The following KIAA1217 variants were observed in gnomAD, a reference collection of about 807,000 sequenced individuals.
The protein encoded by KIAA1217 is sickle tail protein homolog.
Under a neutral mutation model 163.9 loss-of-function variants are expected in KIAA1217, and 88 were observed. That is an observed-to-expected ratio of 0.54 (90% CI 0.45 to 0.64). The LOEUF (loss-of-function observed/expected upper bound fraction) is 0.64, where lower values mean the gene tolerates loss of function less well. KIAA1217 is among the 30% of genes least tolerant of loss of function. The pLI is 0.00. For synonymous variants in KIAA1217, 903 were observed against 923.1 expected (o/e 0.98, Z 0.39); for missense variants, 2,372 against 2,475.0 (o/e 0.96, Z 0.88).
intron 1 of KIAA1217, among the ~76,000 whole-genome samples, chr10:23,987,898 G>A (rs1248447690): frequency 6.6e-6 from 1 of 152,042 alleles, no homozygotes; most frequent in Non-Finnish European, 1.5e-5. Flanking sequence ...AAGGTGGTTT[G>A]CAAACTTTTA....
intron 3 of KIAA1217, among the ~76,000 whole-genome samples, chr10:24,401,627 C>T (rs1421543389): frequency 1.3e-5 from 2 of 152,120 alleles, no homozygotes; most frequent in Admixed American, 1.3e-4. Flanking sequence ...CTACCAGAAA[C>T]CTACAGCCAA....
intron 2 of KIAA1217, among the ~76,000 whole-genome samples, chr10:24,114,907 A>C (rs11013903): frequency 0.051 from 7,702 of 152,182 alleles, 566 homozygotes; most frequent in African/African-American, 0.16. Context: ...TTTGGAGCAT[A>C]ACAAGTTCCA....
intron 2 of KIAA1217, among the ~76,000 whole-genome samples, chr10:24,145,315 G>A (rs768275583): frequency 2.6e-5 from 4 of 152,188 alleles, no homozygotes; most frequent in Admixed American, 1.3e-4. Context: ...CTCTGACTTG[G>A]AGGCTTTGCT....
At chr10:23,901,948 G>T (rs966033047) in intron 1 of KIAA1217, among the ~76,000 whole-genome samples, 1 of 146,526 alleles carries the variant, frequency 6.8e-6, no homozygotes, top group South Asian at 2.2e-4. Flanking sequence ...AGAAAGAAAA[G>T]AAATATTTAA....
In KIAA1217 at chr10:23,753,870, C is replaced by T. The variant is rs117446349; in HGVS notation, c.-321+58636C>T. On this transcript the variant is annotated intron_variant, in intron 1 of 18. Coordinates refer to the KIAA1217 transcript ENST00000376462. ...TCATAGATCTTAAAACTTTGATTCTCGCTTTCAACTTTGCCTTAAGATCTG... is the reference window on the plus strand; with the variant it reads ...TCATAGATCTTAAAACTTTGATTCTTGCTTTCAACTTTGCCTTAAGATCTG... Among the ~76,000 whole-genome samples, 191 of 152,292 alleles carry T rather than the reference C, an allele frequency of 1.3e-3. 2 individuals are homozygous for T. The highest frequency in any genetic ancestry group is 5.5e-3 in the Admixed American group (84 of 15,294).
Position 23,766,623 on chromosome 10 carries a change from CTG to C in KIAA1217, c.-321+71392_-321+71393del, listed in dbSNP as rs1468046023. ...TTTTTTTTTGAGACAGCGTCTCACTCTGTGACTCAGGCTGGAGTGCAATGGCA... is the reference window on the plus strand; with the variant it reads ...TTTTTTTTTGAGACAGCGTCTCACTCTGACTCAGGCTGGAGTGCAATGGCA... On this transcript the variant is annotated intron_variant, in intron 1 of 18. Coordinates refer to the KIAA1217 transcript ENST00000376462. Among the ~76,000 whole-genome samples, 13 of 137,454 alleles carry C rather than the reference CTG, an allele frequency of 9.5e-5. No individual in the cohort carries two copies. The East Asian group carries it at 2.3e-3, about 25-fold the overall frequency. The allele number at this position is 137,454 out of a possible 152,430, so 90.2% of individuals were successfully genotyped here. A position where few individuals can be genotyped will look rare whatever the true frequency, so the allele number is the denominator to read the frequency against.
chr10:23,929,896 G>A (rs1843187263), intron 1 of KIAA1217, among the ~76,000 whole-genome samples: 1 of 152,100 alleles, frequency 6.6e-6, no homozygotes, highest in Admixed American at 6.5e-5. Context: ...TTTCCACAAC[G>A]GCTGAACTAA....
intron 2 of KIAA1217, chr10:24,255,262 T>C (rs2075019655): frequency 3.6e-6 from 1 of 280,532 alleles, no homozygotes; most frequent in African/African-American, 2.3e-5. Flanking sequence ...CATCCGGATT[T>C]ACCTAAACCC....
At chr10:23,900,517 T>C (rs1407066930) in intron 1 of KIAA1217, among the ~76,000 whole-genome samples, 10 of 152,140 alleles carry the variant, frequency 6.6e-5, no homozygotes, top group African/African-American at 2.4e-4. Flanking sequence ...TCAATATTTA[T>C]ATAGATGATC....
At chr10:24,237,952 C>T (rs1373220188) in intron 2 of KIAA1217, among the ~76,000 whole-genome samples, 1 of 152,190 alleles carries the variant, frequency 6.6e-6, no homozygotes, top group South Asian at 2.1e-4. Flanking sequence ...GGATCCAAAG[C>T]GTTTACAATT....
chr10:24,067,523 C>G (rs2061002692), intron 2 of KIAA1217, among the ~76,000 whole-genome samples: 1 of 152,144 alleles, frequency 6.6e-6, no homozygotes, highest in African/African-American at 2.4e-5. Context: ...CAGAGGAGTA[C>G]CCGGCCATGG....
chr10:24,360,476 C>G (rs868297936), intron 2 of KIAA1217, among the ~76,000 whole-genome samples: 3 of 152,196 alleles, frequency 2.0e-5, no homozygotes, highest in Admixed American at 6.5e-5. Flanking sequence ...TCAAGCCTCT[C>G]CCTTCTATCG....
At chr10:24,513,771 G>A (rs934375507) in intron 10 of KIAA1217, among the ~76,000 whole-genome samples, 7 of 142,166 alleles carry the variant, frequency 4.9e-5, no homozygotes, top group Non-Finnish European at 1.1e-4. Flanking sequence ...GGTAACACAG[G>A]GAGATCCTGT....
intron 1 of KIAA1217, among the ~76,000 whole-genome samples, chr10:23,951,614 C>T (rs1844339702): frequency 6.6e-6 from 1 of 151,634 alleles, no homozygotes; most frequent in Non-Finnish European, 1.5e-5. Context: ...GATTGTACCA[C>T]TGCACTCCAG....
chr10:23,746,108 G>A (rs1364686479), intron 1 of KIAA1217, among the ~76,000 whole-genome samples: 1 of 152,148 alleles, frequency 6.6e-6, no homozygotes, highest in Non-Finnish European at 1.5e-5. Context: ...GGAGATGTTC[G>A]GGTCATGGGG....
chr10:24,247,923 G>A (rs2074010602), intron 2 of KIAA1217, among the ~76,000 whole-genome samples: 1 of 152,178 alleles, frequency 6.6e-6, no homozygotes. Context: ...GTCATCATAT[G>A]CATATAACAT....
intron 1 of KIAA1217, among the ~76,000 whole-genome samples, chr10:23,837,689 A>G (rs1420674408): frequency 1.3e-5 from 2 of 151,994 alleles, no homozygotes; most frequent in African/African-American, 2.4e-5. Flanking sequence ...ATGTGCCACT[A>G]TGCTTGGCTA....
intron 1 of KIAA1217, among the ~76,000 whole-genome samples, chr10:23,737,365 A>ATTTTTT (rs10676755): frequency 0.18 from 27,270 of 149,404 alleles, 2,588 homozygotes; most frequent in Middle Eastern, 0.25. Context: ...TGCCTAGCTA[A>ATTTTTT]TTTTTTTTTA....
chr10:24,492,970 C>G (rs371174622), intron 6 of KIAA1217, among the ~76,000 whole-genome samples: 31 of 152,120 alleles, frequency 2.0e-4, no homozygotes, highest in African/African-American at 7.5e-4. Context: ...CTCAGCCTCC[C>G]GAGTAGCTGG....
Sources: gnomAD v4.1 joint callset for allele counts (sites outside exome capture counted in the v4.1 genomes callset) on GRCh38, gnomAD v4.1.1 for gene constraint, MANE v1.5 for transcripts, NCBI Gene and HGNC (gene_info 2026-07-23, HGNC 2026-07-21) for gene names.